The following LRRC49 variants were observed in gnomAD, a reference collection of about 807,000 sequenced individuals.
LRRC49 encodes the protein leucine rich repeat containing 49.
Under a neutral mutation model 83.3 loss-of-function variants are expected in LRRC49, and 50 were observed. The ratio of observed to expected loss-of-function variants is 0.60; its 90% CI spans 0.48 to 0.76. LRRC49 has a LOEUF of 0.76. Ranked by LOEUF, LRRC49 falls within the 30% of genes least tolerant of loss-of-function variation. LRRC49 has a pLI of 0.00. For synonymous variants in LRRC49, 286 were observed against 283.3 expected (o/e 1.01, Z -0.10); for missense variants, 704 against 809.1 (o/e 0.87, Z 1.58).
rs569306339 is a variant in LRRC49 at position 70,978,218 on chromosome 15, A to G, written c.922-1883A>G. ...TTCTCTAACTTCAGTGAATTAAAAC[A>G]ACAAAGTTTATTTCAGGCTTCTAAT... On this transcript the variant is annotated intron_variant, in intron 9 of 15. Transcript: ENST00000260382. Among the ~76,000 whole-genome samples, 5 of 152,102 alleles carry G rather than the reference A, an allele frequency of 3.3e-5. No individual in the cohort carries two copies. The East Asian group carries it at 9.6e-4, about 29-fold the overall frequency.
chr15:70,954,075 A>G (rs2036314409), intron 8 of LRRC49, among the ~76,000 whole-genome samples: 1 of 151,864 alleles, frequency 6.6e-6, no homozygotes, highest in African/African-American at 2.4e-5. Flanking sequence ...TTGTATTTTT[A>G]ATAGAGATGG....
rs180916407 is a variant in LRRC49, at chr15:71,031,723, T to C, written c.1704-5456T>C. Among the ~76,000 whole-genome samples, 373 of 152,214 alleles carry C rather than the reference T, an allele frequency of 2.5e-3. 1 individual carries two copies. Among genetic ancestry groups the C allele is most frequent in the African/African-American group, 8.4e-3 (348 of 41,538 alleles). On this transcript the variant is annotated intron_variant, in intron 14 of 15. Coordinates refer to ENST00000260382, the MANE Select transcript of LRRC49 (RefSeq NM_017691.5). The stretch of plus-strand genomic sequence containing the variant: ...AGATGCCCTGCCCAGTAAGGAGGAA[T>C]CTAGAGAAGCAGTCTGGCCAGAGTC...
intron 2 of LRRC49, among the ~76,000 whole-genome samples, chr15:70,884,105 A>C (rs1465916283): frequency 6.6e-6 from 1 of 152,168 alleles, no homozygotes; most frequent in African/African-American, 2.4e-5. Context: ...AGAGCCTGGG[A>C]GGAGAGAAAG....
intron 8 of LRRC49, among the ~76,000 whole-genome samples, chr15:70,960,149 C>G (rs1246826454): frequency 6.6e-6 from 1 of 152,156 alleles, no homozygotes. Flanking sequence ...ATGGTTTGAT[C>G]ACCACAGTGT....
intron 9 of LRRC49, among the ~76,000 whole-genome samples, chr15:70,977,086 A>C (rs1381809247): frequency 6.6e-6 from 1 of 152,178 alleles, no homozygotes; most frequent in East Asian, 1.9e-4. Context: ...TACTGTTTGA[A>C]ATTGGCTCTT....
intron 8 of LRRC49, among the ~76,000 whole-genome samples, chr15:70,943,462 T>C (rs1366447649): frequency 6.6e-6 from 1 of 152,174 alleles, no homozygotes; most frequent in Non-Finnish European, 1.5e-5. Context: ...AGTGCCCAGT[T>C]TGGCCTTTGA....
At chr15:70,864,399 G>C (rs2032866519) in intron 1 of LRRC49, among the ~76,000 whole-genome samples, 1 of 151,928 alleles carries the variant, frequency 6.6e-6, no homozygotes, top group South Asian at 2.1e-4. Flanking sequence ...GGCATTGAGA[G>C]GGAAGAGCAG....
intron 2 of LRRC49, chr15:70,882,310 AC>A (rs2033282776): frequency 3.0e-6 from 2 of 668,422 alleles, no homozygotes; most frequent in African/African-American, 1.8e-5. Context: ...AAGCAAGCAA[AC>A]TTTTGCCTTA....
intron 2 of LRRC49, chr15:70,894,534 G>A (rs1453170516): frequency 1.2e-6 from 1 of 806,834 alleles, no homozygotes; most frequent in East Asian, 6.6e-5. Context: ...GAGATTTTGA[G>A]ATAAACATGT....
In LRRC49 at chr15:71,053,458, G is replaced by C. The variant is rs1438122758; in HGVS notation, c.*3846G>C. 1 of 152,120 alleles carries C rather than the reference G, an allele frequency of 6.6e-6. No individual in the cohort carries two copies. The highest frequency in any genetic ancestry group is 1.5e-5 in the Non-Finnish European group (1 of 68,032). The allele number at this position is 152,120 out of a possible 1,614,324, so 9.4% of individuals were successfully genotyped here. On this transcript the variant is annotated 3_prime_UTR_variant, in exon 16 of 16. Transcript: ENST00000260382. ...ATCTCAACATGTACAATATATACAA[G>C]ATATACCACACATCTCAGCATATGT...
intron 1 of LRRC49, among the ~76,000 whole-genome samples, chr15:70,870,997 G>C (rs886465671): frequency 2.0e-5 from 3 of 146,640 alleles, no homozygotes; most frequent in South Asian, 2.1e-4. Flanking sequence ...GGTGTTTCTC[G>C]GAGAGGGGGA....
intron 9 of LRRC49, among the ~76,000 whole-genome samples, chr15:70,972,808 T>A (rs1468488369): frequency 6.6e-6 from 1 of 152,098 alleles, no homozygotes; most frequent in Non-Finnish European, 1.5e-5. Context: ...CTTCACGAAA[T>A]TCTTGTGCTG....
Position 70,915,405 on chromosome 15 carries a change from A to G in LRRC49, c.568-3645A>G, listed in dbSNP as rs1240064491. Reference sequence around the variant, plus strand: ...CAGAACTATTAGCAGAAGGGAGAAAACACACCGTGCAGATCATACAATTGT... The same window carrying G: ...CAGAACTATTAGCAGAAGGGAGAAAGCACACCGTGCAGATCATACAATTGT... On this transcript the variant is annotated intron_variant, in intron 6 of 15. Coordinates refer to ENST00000260382, the MANE Select transcript of LRRC49 (RefSeq NM_017691.5). Among the ~76,000 whole-genome samples, 4 of 152,302 alleles carry G rather than the reference A, an allele frequency of 2.6e-5. No homozygotes were observed. In the East Asian group the frequency reaches 7.7e-4, roughly 29 times the overall value.
chr15:71,005,853 G>A (rs1008271268), intron 11 of LRRC49, among the ~76,000 whole-genome samples: 2 of 152,148 alleles, frequency 1.3e-5, no homozygotes, highest in Admixed American at 6.5e-5. Flanking sequence ...AAGGATACAA[G>A]GAAAACTAGA....
intron 4 of LRRC49, among the ~76,000 whole-genome samples, chr15:70,903,724 C>T (rs2034181260): frequency 6.6e-6 from 1 of 152,148 alleles, no homozygotes; most frequent in Admixed American, 6.5e-5. Context: ...GTATTTTAAC[C>T]TCTCAGAGTA....
chr15:70,893,979 C>G (rs1238573134), intron 2 of LRRC49, among the ~76,000 whole-genome samples: 1 of 151,860 alleles, frequency 6.6e-6, no homozygotes, highest in Non-Finnish European at 1.5e-5. Context: ...ACTGCAACCT[C>G]TGCCTCCCAG....
intron 14 of LRRC49, among the ~76,000 whole-genome samples, chr15:71,032,241 G>C (rs552344891): frequency 6.6e-6 from 1 of 152,254 alleles, no homozygotes; most frequent in South Asian, 2.1e-4. Flanking sequence ...GGAGATCCCT[G>C]GCTCCTTGCA....
rs946884667 is a variant in LRRC49 at position 71,041,176 on chromosome 15, G to A, written c.1857+3844G>A. Among the ~76,000 whole-genome samples the A allele has an allele frequency of 2.2e-4, 34 of 152,162 alleles. 2 individuals carry two copies. Among genetic ancestry groups the A allele is most frequent in the Non-Finnish European group, 5.9e-5 (4 of 68,028 alleles). ...ATGGAAACTGAGCTAATAGATGCACGTTGTTTTAAGCTGCCAAGTTTGAGG... is the reference window on the plus strand; with the variant it reads ...ATGGAAACTGAGCTAATAGATGCACATTGTTTTAAGCTGCCAAGTTTGAGG... On this transcript the variant is annotated intron_variant, in intron 15 of 15. Transcript: ENST00000260382.
intron 10 of LRRC49, among the ~76,000 whole-genome samples, chr15:70,981,353 G>T (rs2037390780): frequency 7.1e-6 from 1 of 141,300 alleles, no homozygotes; most frequent in African/African-American, 2.5e-5. Context: ...GGAGGGTGGG[G>T]GGGCTAGGGG....
Sources: allele counts gnomAD v4.1 joint callset (sites outside exome capture counted in the v4.1 genomes callset), GRCh38; gene constraint gnomAD v4.1.1; transcripts MANE v1.5; gene names NCBI Gene and HGNC (gene_info 2026-07-23, HGNC 2026-07-21).